The following SLC4A10 variants were observed in gnomAD, a reference collection of about 807,000 sequenced individuals.
SLC4A10 encodes sodium-driven chloride bicarbonate exchanger.
Under a neutral mutation model 137.7 loss-of-function variants are expected in SLC4A10, and 42 were observed. That is an observed-to-expected ratio of 0.30 (90% CI 0.24 to 0.39). SLC4A10 has a LOEUF of 0.39. Among genes scored for constraint, SLC4A10 ranks in the 10% least tolerant of loss-of-function variants. The probability of loss-of-function intolerance (pLI) is 1.00; values close to 1 mark genes in which losing one functional copy is unlikely to be tolerated. For synonymous variants in SLC4A10, 474 were observed against 464.1 expected, an observed-to-expected ratio of 1.02 and a Z score of -0.27; for missense variants, 925 against 1,355.0, an observed-to-expected ratio of 0.68 and a Z score of 4.98.
intron 2 of SLC4A10, among the ~76,000 whole-genome samples, chr2:161,778,124 T>C (rs537822784): frequency 1.3e-5 from 2 of 152,088 alleles, no homozygotes; most frequent in African/African-American, 4.8e-5. Flanking sequence ...AGAAGTAGTA[T>C]AACATTAGGA....
intron 1 of SLC4A10, among the ~76,000 whole-genome samples, chr2:161,763,370 T>C (rs2050449194): frequency 6.6e-6 from 1 of 152,022 alleles, no homozygotes; most frequent in African/African-American, 2.4e-5. Context: ...AAGAAACACA[T>C]GGTCACTCAA....
chr2:161,873,774 G>T, intron 7 of SLC4A10, 142 bp from the exon 8 acceptor site: 2 of 739,598 alleles, frequency 2.7e-6, no homozygotes, highest in Non-Finnish European at 4.3e-6. Flanking sequence ...ATAGTGATCA[G>T]CTCCTTGGAC....
At chr2:161,719,253 A>G (rs1417897165) in intron 1 of SLC4A10, among the ~76,000 whole-genome samples, 1 of 152,082 alleles carries the variant, frequency 6.6e-6, no homozygotes, top group Non-Finnish European at 1.5e-5. Context: ...TTATGGCTGC[A>G]TAGTATTCCA....
At chr2:161,825,473 A>G (rs961738380) in intron 3 of SLC4A10, among the ~76,000 whole-genome samples, 2 of 152,024 alleles carry the variant, frequency 1.3e-5, no homozygotes, top group Non-Finnish European at 2.9e-5. Flanking sequence ...CTGCGTTACT[A>G]TTTATTCCTC....
At chr2:161,774,847 C>T (rs1054838595) in intron 2 of SLC4A10, among the ~76,000 whole-genome samples, 1 of 151,848 alleles carries the variant, frequency 6.6e-6, no homozygotes, top group Non-Finnish European at 1.5e-5. Flanking sequence ...TCAACAGACT[C>T]CCTCAACACA....
At chr2:161,939,691 T>G (rs991866694) in intron 15 of SLC4A10, among the ~76,000 whole-genome samples, 4 of 152,188 alleles carry the variant, frequency 2.6e-5, no homozygotes, top group Admixed American at 1.3e-4. Context: ...CATGGGTAAG[T>G]GTTAAGTAAT....
chr2:161,850,485 T>C (rs2059767004), intron 4 of SLC4A10, among the ~76,000 whole-genome samples: 1 of 152,208 alleles, frequency 6.6e-6, no homozygotes. Context: ...CTTCTAGCTT[T>C]TCTAGTTTGT....
In SLC4A10 at chr2:161,942,810, G is replaced by T. The variant is rs534800788; in HGVS notation, c.2016G>T (p.Pro672=). Residue 672 remains proline (P), a synonymous_variant, in exon 16 of 27, where the codon CCG becomes CCT. Coordinates refer to ENST00000446997, the MANE Select transcript of SLC4A10 (RefSeq NM_001178015.2). The part of the protein sequence containing the change: ...LTQYSCNCVE[P]HNPSNGTLKE... ...TTTTCAGGTGTAACTGTGTGGAACCGCATAATCCCAGCAATGGCACATTGA... is the reference window on the plus strand; with the variant it reads ...TTTTCAGGTGTAACTGTGTGGAACCTCATAATCCCAGCAATGGCACATTGA... 3 of 1,602,484 alleles carry T rather than the reference G, an allele frequency of 1.9e-6. No homozygotes were observed. The highest frequency in any genetic ancestry group is 1.7e-6 in the Non-Finnish European group (2 of 1,174,222).
chr2:161,730,205 A>T (rs540232417), intron 1 of SLC4A10, among the ~76,000 whole-genome samples: 2 of 152,234 alleles, frequency 1.3e-5, no homozygotes, highest in Non-Finnish European at 2.9e-5. Context: ...TTCTCATTAG[A>T]AACTTAAACA....
rs1383555200 is a variant in SLC4A10, at chr2:161,873,905, TATG to T, written c.859-10_859-8del. The T allele has an allele frequency of 1.9e-6, 3 of 1,589,308 alleles. No individual in the cohort carries two copies. In the East Asian group the frequency reaches 6.7e-5, roughly 36 times the overall value. On this transcript the variant is annotated splice_polypyrimidine_tract_variant and splice_region_variant and intron_variant, in intron 7 of 26. Coordinates refer to ENST00000446997, the MANE Select transcript of SLC4A10 (RefSeq NM_001178015.2). ...GGTGTACCAGCTTAAGTCTGTTAATTATGCGTGCAGGGACTGGGAGGCCAACAA... is the reference window on the plus strand; with the variant it reads ...GGTGTACCAGCTTAAGTCTGTTAATTCGTGCAGGGACTGGGAGGCCAACAA...
At chr2:161,970,312 G>A (rs1226409700) in intron 23 of SLC4A10, among the ~76,000 whole-genome samples, 1 of 151,980 alleles carries the variant, frequency 6.6e-6, no homozygotes, top group Non-Finnish European at 1.5e-5. Flanking sequence ...CACTCTCATT[G>A]TTAGTTTTAT....
intron 15 of SLC4A10, among the ~76,000 whole-genome samples, chr2:161,927,170 A>G (rs1490961024): frequency 1.3e-5 from 2 of 152,164 alleles, no homozygotes; most frequent in Non-Finnish European, 2.9e-5. Context: ...ACTTGGTTCC[A>G]TTCTCCCGGT....
intron 1 of SLC4A10, among the ~76,000 whole-genome samples, chr2:161,655,460 A>G (rs1574135801): frequency 6.6e-6 from 1 of 152,174 alleles, no homozygotes; most frequent in Non-Finnish European, 1.5e-5. Context: ...AAAAGCTTTC[A>G]GTTTTTTCAC....
intron 2 of SLC4A10, among the ~76,000 whole-genome samples, chr2:161,792,928 A>C (rs1037851945): frequency 3.9e-5 from 6 of 152,132 alleles, no homozygotes; most frequent in Non-Finnish European, 8.8e-5. Flanking sequence ...AATTGATATA[A>C]ATACTGATAA....
At chr2:161,644,675 A>G (rs997055724) in intron 1 of SLC4A10, among the ~76,000 whole-genome samples, 7 of 152,204 alleles carry the variant, frequency 4.6e-5, no homozygotes, top group African/African-American at 1.7e-4. Flanking sequence ...TGATGTGCTC[A>G]CAGTAGTAAC....
chr2:161,687,152 C>T (rs1281817705), intron 1 of SLC4A10, among the ~76,000 whole-genome samples: 2 of 152,136 alleles, frequency 1.3e-5, no homozygotes, highest in African/African-American at 4.8e-5. Context: ...GGATTACAGG[C>T]ATGGGCCACC....
At chr2:161,789,993 C>A (rs1473364425) in intron 2 of SLC4A10, among the ~76,000 whole-genome samples, 2 of 152,080 alleles carry the variant, frequency 1.3e-5, no homozygotes, top group African/African-American at 4.8e-5. Context: ...CTCCATTTCA[C>A]AGATAAAGAA....
rs566517995 is a variant in SLC4A10, at chr2:161,718,655, T to A, written c.49-52318T>A. ...GAATTCTAATTTGATTGTGCCATGG[T>A]CTGAGAGACTGTTGTGATTTCAGTT... On this transcript the variant is annotated intron_variant, in intron 1 of 26. Transcript: ENST00000446997. Among the ~76,000 whole-genome samples the A allele has an allele frequency of 3.3e-5, 5 of 152,316 alleles. No individual in the cohort carries two copies. In the South Asian group the frequency reaches 1.0e-3, roughly 32 times the overall value.
rs73005127 is a variant in SLC4A10, at chr2:161,752,752, G to A, written c.49-18221G>A. Among the ~76,000 whole-genome samples, 788 of 152,160 alleles carry A rather than the reference G, an allele frequency of 5.2e-3. 9 individuals are homozygous for A. Among genetic ancestry groups the A allele is most frequent in the African/African-American group, 0.018 (744 of 41,550 alleles). ...TACTGCATGATCTCACCTATATGCG[G>A]AATCTAAAAAGTTGAACTCATTTAA... is the stretch of plus-strand genomic sequence containing the variant. On this transcript the variant is annotated intron_variant, in intron 1 of 26. Coordinates refer to ENST00000446997, the MANE Select transcript of SLC4A10 (RefSeq NM_001178015.2).
Sources: allele counts gnomAD v4.1 joint callset (sites outside exome capture counted in the v4.1 genomes callset), GRCh38; gene constraint gnomAD v4.1.1; transcripts MANE v1.5; gene names NCBI Gene and HGNC (gene_info 2026-07-23, HGNC 2026-07-21).